ATP6V1C2: variants seen among roughly 807,000 people sequenced by gnomAD.
The protein encoded by ATP6V1C2 is V-type proton ATPase subunit C 2.
Under a neutral mutation model 56.8 loss-of-function variants are expected in ATP6V1C2, and 45 were observed. The observed-to-expected ratio is 0.79, with a 90% CI of 0.62 to 1.02. The LOEUF is 1.02. ATP6V1C2 is among the 50% of genes least tolerant of loss of function. The pLI, the probability that ATP6V1C2 is intolerant of heterozygous loss-of-function variation, is 0.00. For missense variants in ATP6V1C2, 463 were observed against 519.7 expected, an observed-to-expected ratio of 0.89 and a Z score of 1.06; for synonymous variants, 220 against 201.3, an observed-to-expected ratio of 1.09 and a Z score of -0.79.
At chr2:10,752,610 T>C (rs1164717501) in intron 3 of ATP6V1C2, among the ~76,000 whole-genome samples, 1 of 152,240 alleles carries the variant, frequency 6.6e-6, no homozygotes, top group Non-Finnish European at 1.5e-5. Context: ...ACCAGATGAT[T>C]GGTTATGTCA....
rs1274016908 is a variant in ATP6V1C2, at chr2:10,783,277, C to T, written c.*14C>T. The T allele has an allele frequency of 1.6e-5, 25 of 1,564,626 alleles. No individual in the cohort carries two copies. Among genetic ancestry groups the T allele is most frequent in the Non-Finnish European group, 2.0e-5 (23 of 1,135,270 alleles). On this transcript the variant is annotated 3_prime_UTR_variant, in exon 14 of 14. Transcript: ENST00000272238. ...CTTCTTGACTAGAAAGGCCAGCTGG[C>T]ACCTCTGTCTCATGTTCGTGCAGAT...
At chr2:10,764,827 C>T (rs1664126532) in intron 5 of ATP6V1C2, among the ~76,000 whole-genome samples, 2 of 152,108 alleles carry the variant, frequency 1.3e-5, no homozygotes, top group African/African-American at 2.4e-5. Flanking sequence ...AAAAATTAGC[C>T]AGGCGTGGTG....
intron 2 of ATP6V1C2, 94 bp downstream of exon 2, chr2:10,723,072 A>T: frequency 6.7e-7 from 1 of 1,491,702 alleles, no homozygotes; most frequent in Non-Finnish European, 9.1e-7. Flanking sequence ...CCAAGGAGAA[A>T]GTATCAAGGC....
chr2:10,725,385 C>A (rs563797509), intron 2 of ATP6V1C2, among the ~76,000 whole-genome samples: 4 of 146,724 alleles, frequency 2.7e-5, no homozygotes, highest in Non-Finnish European at 4.5e-5. Flanking sequence ...AAATAAAAAA[C>A]AACAACAACA....
At chr2:10,760,850 TG>T in intron 4 of ATP6V1C2, among the ~76,000 whole-genome samples, 2 of 152,288 alleles carry the variant, frequency 1.3e-5, no homozygotes, top group Middle Eastern at 6.8e-3. Flanking sequence ...TTGGTGCAAA[TG>T]GCCAGAGACA....
rs899627179 is a variant in ATP6V1C2 at position 10,780,696 on chromosome 2, C to T, written c.1062-1547C>T. Reference sequence around the variant, plus strand: ...AAGCCTGTCCATGCCTTCCAGGATGCGCATCTGCCCAAGAAAGAGGTTGAG... The same window carrying T: ...AAGCCTGTCCATGCCTTCCAGGATGTGCATCTGCCCAAGAAAGAGGTTGAG... On this transcript the variant is annotated intron_variant, in intron 12 of 13. Coordinates refer to ENST00000272238, the MANE Select transcript of ATP6V1C2 (RefSeq NM_001039362.2). This position sits in a 1 kb window ranked among gnomAD's most constrained non-coding sequence, Gnocchi z 4.1. Among the ~76,000 whole-genome samples, 10 of 152,046 alleles carry T rather than the reference C, an allele frequency of 6.6e-5. No individual in the cohort carries two copies. Among genetic ancestry groups the T allele is most frequent in the African/African-American group, 1.7e-4 (7 of 41,400 alleles).
intron 5 of ATP6V1C2, among the ~76,000 whole-genome samples, chr2:10,767,092 AC>A (rs1320044735): frequency 6.6e-6 from 1 of 151,674 alleles, no homozygotes; most frequent in African/African-American, 2.4e-5. Flanking sequence ...AAAGAGAAAA[AC>A]ATTTAGTTTT....
At chr2:10,748,791 T>C (rs977328581) in intron 3 of ATP6V1C2, among the ~76,000 whole-genome samples, 4 of 152,004 alleles carry the variant, frequency 2.6e-5, no homozygotes, top group African/African-American at 9.7e-5. Flanking sequence ...ATTTTTTTCA[T>C]CTCTAAAATG....
chr2:10,772,185 ATTATT>A (rs1224902847), intron 7 of ATP6V1C2, among the ~76,000 whole-genome samples: 1 of 152,178 alleles, frequency 6.6e-6, no homozygotes, highest in African/African-American at 2.4e-5. Context: ...TGTGGTCGAC[ATTATT>A]TTATTTCATC....
chr2:10,776,189 C>A (rs1664960768), intron 10 of ATP6V1C2, among the ~76,000 whole-genome samples: 1 of 151,878 alleles, frequency 6.6e-6, no homozygotes, highest in South Asian at 2.1e-4. Flanking sequence ...AGGGAGGAAA[C>A]AACAGCTGAT....
At chr2:10,745,871 G>C (rs1662883076) in intron 3 of ATP6V1C2, among the ~76,000 whole-genome samples, 1 of 152,140 alleles carries the variant, frequency 6.6e-6, no homozygotes, top group Non-Finnish European at 1.5e-5. Flanking sequence ...ATCATATAGT[G>C]TTTGACCTTT....
In ATP6V1C2 at chr2:10,783,300, G is replaced by C; in HGVS notation, c.*37G>C. 2 of 1,358,070 alleles carry C rather than the reference G, an allele frequency of 1.5e-6. No homozygotes were observed. The highest frequency in any genetic ancestry group is 2.1e-6 in the Non-Finnish European group (2 of 948,108). 84.1% of individuals were successfully genotyped at this position (1,358,070 alleles called of 1,614,324 possible). On this transcript the variant is annotated 3_prime_UTR_variant, in exon 14 of 14. Coordinates refer to ENST00000272238, the MANE Select transcript of ATP6V1C2 (RefSeq NM_001039362.2). Reference sequence around the variant, plus strand: ...GGCACCTCTGTCTCATGTTCGTGCAGATTATTACAGACACCTCTTTCCTTT... The same window carrying C: ...GGCACCTCTGTCTCATGTTCGTGCACATTATTACAGACACCTCTTTCCTTT...
chr2:10,762,144 A>AG (rs1296850562), intron 4 of ATP6V1C2, among the ~76,000 whole-genome samples: 1 of 140,148 alleles, frequency 7.1e-6, no homozygotes, highest in Admixed American at 7.2e-5. Context: ...TTGAAGCATA[A>AG]ATTTTTTTTT....
At chr2:10,766,250 A>C (rs1664213158) in intron 5 of ATP6V1C2, among the ~76,000 whole-genome samples, 1 of 152,134 alleles carries the variant, frequency 6.6e-6, no homozygotes, top group Admixed American at 6.5e-5. Context: ...TGTCTCCCTC[A>C]GTCCTTCCTA....
chr2:10,748,892 G>A (rs1379769123), intron 3 of ATP6V1C2, among the ~76,000 whole-genome samples: 3 of 151,422 alleles, frequency 2.0e-5, no homozygotes, highest in Non-Finnish European at 2.9e-5. Context: ...CACTTTGGGC[G>A]GCCGAGTGGG....
At position 10,782,202 on chromosome 2, in the gene ATP6V1C2, A is replaced by G. The variant is rs748098335; in HGVS notation, c.1062-41A>G. On this transcript the variant is annotated intron_variant, in intron 12 of 13. Coordinates refer to ENST00000272238, the MANE Select transcript of ATP6V1C2 (RefSeq NM_001039362.2). ...TCAGGTTCCTTCTATCCGTGTTTGCATTTGGAGCAGTGAACTGACACATTT... is the reference window on the plus strand; with the variant it reads ...TCAGGTTCCTTCTATCCGTGTTTGCGTTTGGAGCAGTGAACTGACACATTT... 2.5e-6 allele frequency: 4 copies of G among 1,610,402 alleles called. No individual in the cohort carries two copies. The African/African-American group carries it at 5.3e-5, about 22-fold the overall frequency.
At chr2:10,772,874 G>A (rs969193816) in intron 8 of ATP6V1C2, among the ~76,000 whole-genome samples, 2 of 130,544 alleles carry the variant, frequency 1.5e-5, no homozygotes, top group Admixed American at 7.7e-5. Flanking sequence ...GCCTCTCCAC[G>A]CCGTTGCCTC....
chr2:10,755,093 C>T (rs890040762), intron 4 of ATP6V1C2, among the ~76,000 whole-genome samples: 3 of 152,166 alleles, frequency 2.0e-5, no homozygotes, highest in Non-Finnish European at 4.4e-5. Flanking sequence ...TCTCGGCTCA[C>T]CGCAACCTCC....
At chr2:10,726,238 T>C (rs1479096990) in intron 2 of ATP6V1C2, among the ~76,000 whole-genome samples, 1 of 152,168 alleles carries the variant, frequency 6.6e-6, no homozygotes, top group Non-Finnish European at 1.5e-5. Context: ...AAGAGGAAAA[T>C]GAGCTGAGGT....
Sources: allele counts gnomAD v4.1 joint callset (sites outside exome capture counted in the v4.1 genomes callset), GRCh38; gene constraint gnomAD v4.1.1; non-coding constraint Gnocchi (gnomAD v3.1); transcripts MANE v1.5; gene names NCBI Gene and HGNC (gene_info 2026-07-23, HGNC 2026-07-21).